The following TMEM129 variants were observed in gnomAD, a reference collection of about 807,000 sequenced individuals.
TMEM129 encodes transmembrane protein 129, E3 ubiquitin ligase.
Under a neutral mutation model 34.1 loss-of-function variants are expected in TMEM129, and 35 were observed. That is an observed-to-expected ratio of 1.03 (90% CI 0.78 to 1.36). The LOEUF (loss-of-function observed/expected upper bound fraction) is 1.36, where lower values mean the gene tolerates loss of function less well. Among genes scored for constraint, TMEM129 ranks in the 40% most tolerant of loss-of-function variants. The pLI, the probability that TMEM129 is intolerant of heterozygous loss-of-function variation, is 0.00. For synonymous variants in TMEM129, 239 were observed against 217.3 expected (o/e 1.10, Z -0.88); for missense variants, 504 against 512.6 (o/e 0.98, Z 0.16).
intron 1 of TMEM129, among the ~76,000 whole-genome samples, chr4:1,719,768 G>T (rs777516980): frequency 1.3e-5 from 2 of 152,046 alleles, no homozygotes; most frequent in Non-Finnish European, 2.9e-5. Flanking sequence ...GCCCCACTCA[G>T]CCCCATCCAT....
rs1717178290 is a variant in TMEM129, at chr4:1,719,690, A to C, written c.205+943T>G. 2.0e-5 allele frequency among the ~76,000 whole-genome samples: 3 copies of C among 152,114 alleles called. 1 individual carries two copies. In the South Asian group the frequency reaches 6.2e-4, roughly 32 times the overall value. Reference sequence around the variant, plus strand: ...TGTGGTCCCTCATAGGCCTCTGGGGAGGGTGCAGCTGGAAGGGCTACAGAA... The same window carrying C: ...TGTGGTCCCTCATAGGCCTCTGGGGCGGGTGCAGCTGGAAGGGCTACAGAA... On this transcript the variant is annotated intron_variant, in intron 1 of 3. Coordinates refer to ENST00000382936, the MANE Select transcript of TMEM129 (RefSeq NM_001127266.2).
Position 1,718,485 on chromosome 4 carries a change from C to G in TMEM129, c.347G>C (p.Arg116Pro). 6.5e-7 allele frequency: 1 copy of G among 1,549,872 alleles called. No individual in the cohort carries two copies. The highest frequency in any genetic ancestry group is 8.7e-7 in the Non-Finnish European group (1 of 1,145,150). ...CAGTGGGTGGCAGGCCCACCGGTCA[C>G]GGGACCAGTAGTAGATCAGGATGCA... ...IACILIYYWS[R>P]DRWACHPLAR... Residue 116 changes from arginine (R) to proline (P), a missense_variant, in exon 2 of 4, where the codon CGT (arginine) becomes CCT (proline). Coordinates refer to ENST00000382936, the MANE Select transcript of TMEM129 (RefSeq NM_001127266.2).
chr4:1,717,744 A>G, intron 2 of TMEM129, 69 bp from the exon 3 acceptor site: 11 of 1,446,836 alleles, frequency 7.6e-6, no homozygotes, highest in Non-Finnish European at 1.0e-5. Flanking sequence ...CTACACCCCA[A>G]GGAGTGACAG....
rs761633713 is a variant in TMEM129 at position 1,717,144 on chromosome 4, G to A, written c.*36C>T. ...CCCCTTCCCTGCCCTGTGGCTTTGG[G>A]GGGAGACACAGAGTCACCTCAAGGC... On this transcript the variant is annotated 3_prime_UTR_variant, in exon 4 of 4. Transcript: ENST00000382936. 33 of 1,404,796 alleles carry A rather than the reference G, an allele frequency of 2.3e-5. No homozygotes were observed. Among genetic ancestry groups the A allele is most frequent in the Admixed American group, 2.9e-5 (1 of 34,132 alleles). The allele number at this position is 1,404,796 out of a possible 1,614,324, so 87.0% of individuals were successfully genotyped here.
chr4:1,718,817 A>T, intron 1 of TMEM129, 191 bp from the exon 2 acceptor site: 1 of 1,399,500 alleles, frequency 7.1e-7, no homozygotes. Context: ...ATATTAGCGG[A>T]AAAGGTTTTT....
chr4:1,718,880 G>T, intron 1 of TMEM129: 1 of 1,370,636 alleles, frequency 7.3e-7, no homozygotes, highest in Non-Finnish European at 9.4e-7. Flanking sequence ...AACTACAAAA[G>T]CCTAGAAAGG....
At chr4:1,718,842 G>A in intron 1 of TMEM129, 1 of 1,395,916 alleles carries the variant, frequency 7.2e-7, no homozygotes, top group Non-Finnish European at 9.3e-7. Flanking sequence ...TGCTGCTTTA[G>A]TTTCACACAA....
intron 1 of TMEM129, chr4:1,718,960 A>T: frequency 8.0e-7 from 1 of 1,251,202 alleles, no homozygotes; most frequent in Non-Finnish European, 1.0e-6. Context: ...AGCTGCCTGG[A>T]CAGGATCTCA....
intron 1 of TMEM129, chr4:1,719,229 C>T (rs979333027): frequency 2.2e-6 from 1 of 463,956 alleles, no homozygotes; most frequent in African/African-American, 2.0e-5. Context: ...GGCCCAGTCA[C>T]TGCATTTCAA....
intron 1 of TMEM129, 58 bp from the exon 2 acceptor site, chr4:1,718,684 C>T: frequency 1.4e-6 from 2 of 1,432,682 alleles, no homozygotes; most frequent in South Asian, 1.5e-5. Context: ...TGTCCACCCC[C>T]CGACAGCCCT....
intron 2 of TMEM129, 115 bp from the exon 3 acceptor site, chr4:1,717,790 G>A: frequency 7.3e-7 from 1 of 1,373,974 alleles, no homozygotes. Flanking sequence ...AGGAGAGATG[G>A]CCCTAAGGCC....
chr4:1,717,560 A>G lies in TMEM129; in HGVS notation c.796T>C (p.Ser266Pro). Residue 266 changes from serine (S) to proline (P), a missense_variant, in exon 3 of 4, where the codon TCC becomes CCC. By Grantham distance (74) the Ser-to-Pro change is moderately conservative. Transcript: ENST00000382936. ...LGDLFLETFA[S>P]LVEVNPAYSV... ...TAGGCCGGGTTGACCTCTACCAGGG[A>G]GGCAAATGTCTCCAGGAACAGGTCG... 1 of 1,548,964 alleles carries G rather than the reference A, an allele frequency of 6.5e-7. No homozygotes were observed. Among genetic ancestry groups the G allele is most frequent in the East Asian group, 2.4e-5 (1 of 40,912 alleles).
intron 1 of TMEM129, 45 bp from the exon 2 acceptor site, chr4:1,718,671 C>A (rs778359806): frequency 4.3e-5 from 61 of 1,434,520 alleles, no homozygotes; most frequent in Non-Finnish European, 5.4e-5. Context: ...AGTGGCAGGC[C>A]GCTGTCCACC....
chr4:1,717,656 C>T lies in TMEM129; in HGVS notation c.700G>A (p.Gly234Arg), dbSNP rs774204041. The change falls in exon 3 of 4, where the codon GGG becomes AGG. Residue 234 changes from glycine to arginine, a missense_variant. Gly to Arg is a moderately radical substitution (Grantham distance 125). Coordinates refer to ENST00000382936, the MANE Select transcript of TMEM129 (RefSeq NM_001127266.2). Reference sequence around the variant, plus strand: ...GCCCGGAGCTTCTCGCAGAGCTCCCCGTACTCAGTGGAGTTCAGCCTGCAG... The same window carrying T: ...GCCCGGAGCTTCTCGCAGAGCTCCCTGTACTCAGTGGAGTTCAGCCTGCAG... ...FDIWLNSTEY[G>R]ELCEKLRAPI... The T allele has an allele frequency of 1.0e-5, 16 of 1,532,410 alleles. No individual in the cohort carries two copies. The East Asian group carries it at 1.7e-4, about 16-fold the overall frequency. 94.9% of individuals were successfully genotyped at this position (1,532,410 alleles called of 1,614,324 possible).
At position 1,718,249 on chromosome 4, in the gene TMEM129, G is replaced by T. The variant is rs759896680; in HGVS notation, c.583C>A (p.Arg195=). 5.3e-5 allele frequency: 85 copies of T among 1,608,608 alleles called. No individual in the cohort carries two copies. The highest frequency in any genetic ancestry group is 6.9e-5 in the Non-Finnish European group (81 of 1,177,796). Reference sequence around the variant, plus strand: ...GAGTCTGGCGAGAGCTCATGCTGCCGAGACTCCGTCACAGTCAGGTGCACG... The same window carrying T: ...GAGTCTGGCGAGAGCTCATGCTGCCTAGACTCCGTCACAGTCAGGTGCACG... ...QDVHLTVTES[R]QHELSPDSNL... is the part of the protein sequence containing the mutation. The change falls in exon 2 of 4, where the codon CGG becomes AGG. Residue 195 remains arginine, a synonymous_variant. Coordinates refer to ENST00000382936, the MANE Select transcript of TMEM129 (RefSeq NM_001127266.2).
At position 1,720,978 on chromosome 4, in the gene TMEM129, G is replaced by A. The variant is rs1717301494; in HGVS notation, c.-141C>T. The A allele has an allele frequency of 5.5e-6, 2 of 365,240 alleles. No homozygotes were observed. The highest frequency in any genetic ancestry group is 1.1e-4 in the South Asian group (1 of 8,838). The allele number at this position is 365,240 out of a possible 1,614,324, so 22.6% of individuals were successfully genotyped here. On this transcript the variant is annotated 5_prime_UTR_variant, in exon 1 of 4. Transcript: ENST00000382936. This position sits in a 1 kb window ranked among gnomAD's most constrained non-coding sequence, Gnocchi z 4.4. ...GCACTCTAGGACATGGAGTCCCGCC[G>A]CCCGGCCGCCCGCGGGGCACTCTAG...
rs1717332559 is a variant in TMEM129 at position 1,721,322 on chromosome 4, A to AC, written c.-486dup. 8.0e-6 allele frequency: 1 copy of AC among 125,478 alleles called. No homozygotes were observed. The highest frequency in any genetic ancestry group is 1.6e-5 in the Non-Finnish European group (1 of 62,692). The allele number at this position is 125,478 out of a possible 1,614,324, so 7.8% of individuals were successfully genotyped here. ...TGCGAGCCCGGGGTCTCAGCTTCAG[A>AC]CACCCTGGCGTGCCCTCCACTCCGG... On this transcript the variant is annotated 5_prime_UTR_variant, in exon 1 of 4. Coordinates refer to ENST00000382936, the MANE Select transcript of TMEM129 (RefSeq NM_001127266.2).
chr4:1,718,361 G>A lies in TMEM129; in HGVS notation c.471C>T (p.Thr157=), dbSNP rs142819231. 305 of 1,613,060 alleles carry A rather than the reference G, an allele frequency of 1.9e-4. 1 individual carries two copies. In the East Asian group the frequency reaches 6.0e-3, roughly 32 times the overall value. ...CAATCACACGGGCACCTGGTGCACC[G>A]GTGGCAAACTTGTCAATCCGCCGGA... ...TEFRRIDKFA[T]GAPGARVIVT... The change falls in exon 2 of 4, where the codon ACC becomes ACT. Residue 157 remains threonine (T), a synonymous_variant. Coordinates refer to ENST00000382936, the MANE Select transcript of TMEM129 (RefSeq NM_001127266.2).
In TMEM129 at chr4:1,720,848, C is replaced by A. The variant is rs375704917; in HGVS notation, c.-11G>T. 1.7e-4 allele frequency: 266 copies of A among 1,566,010 alleles called. 5 individuals are homozygous for A. Among genetic ancestry groups the A allele is most frequent in the Non-Finnish European group, 5.4e-5 (62 of 1,157,250 alleles). On this transcript the variant is annotated 5_prime_UTR_variant, in exon 1 of 4. Transcript: ENST00000382936. This position sits in a 1 kb window ranked among gnomAD's most constrained non-coding sequence, Gnocchi z 4.4. ...CTCGGGGCTGTCCATCGCGCAGCCG[C>A]CGGGAAGCTGTCGAGCTAGGCCCCC...
Sources: allele counts gnomAD v4.1 joint callset (sites outside exome capture counted in the v4.1 genomes callset), GRCh38; gene constraint gnomAD v4.1.1; non-coding constraint Gnocchi (gnomAD v3.1); transcripts MANE v1.5; gene names NCBI Gene and HGNC (gene_info 2026-07-23, HGNC 2026-07-21).